Variants in NCK1 observed in about 807,000 individuals in gnomAD.
NCK1 encodes SH2/SH3 adapter protein NCK1.
In NCK1, 19 loss-of-function variants were observed where a neutral mutation model predicts 36.6. The ratio of observed to expected loss-of-function variants is 0.52; its 90% confidence interval spans 0.36 to 0.76. The LOEUF (loss-of-function observed/expected upper bound fraction) is 0.76. NCK1 is among the 30% of genes least tolerant of loss of function. The pLI is 0.00. For missense variants in NCK1, 358 were observed against 445.6 expected, an observed-to-expected ratio of 0.80 and a Z score of 1.77; for synonymous variants, 165 against 156.0, an observed-to-expected ratio of 1.06 and a Z score of -0.43.
chr3:136,890,913 A>G (rs1162098713), intron 1 of NCK1, among the ~76,000 whole-genome samples: 1 of 152,210 alleles, frequency 6.6e-6, no homozygotes, highest in Non-Finnish European at 1.5e-5. Flanking sequence ...ACCTCTGGCA[A>G]TCACCATTCT....
chr3:136,913,818 GC>G (rs1244170393), intron 1 of NCK1, among the ~76,000 whole-genome samples: 2 of 152,124 alleles, frequency 1.3e-5, no homozygotes, highest in Non-Finnish European at 2.9e-5. Flanking sequence ...ACAGGCGCCC[GC>G]CACCGCGCCC....
At chr3:136,870,720 CT>C (rs1938591522) in intron 1 of NCK1, among the ~76,000 whole-genome samples, 1 of 135,516 alleles carries the variant, frequency 7.4e-6, no homozygotes, top group Non-Finnish European at 1.5e-5. Context: ...CCTGTGAGGT[CT>C]TGCATGATTT....
chr3:136,919,814 G>A (rs997700939), intron 1 of NCK1, among the ~76,000 whole-genome samples: 1 of 152,090 alleles, frequency 6.6e-6, no homozygotes, highest in East Asian at 1.9e-4. Flanking sequence ...ATACCCTAAG[G>A]AAAATGTAAG....
intron 1 of NCK1, among the ~76,000 whole-genome samples, chr3:136,869,879 T>A (rs1383580043): frequency 6.6e-6 from 1 of 152,192 alleles, no homozygotes; most frequent in Non-Finnish European, 1.5e-5. Flanking sequence ...CTGATTCTCT[T>A]GTTTCTATTC....
At chr3:136,932,671 AAGAG>A (rs1012411494) in intron 2 of NCK1, among the ~76,000 whole-genome samples, 1 of 152,164 alleles carries the variant, frequency 6.6e-6, no homozygotes, top group East Asian at 1.9e-4. Context: ...TTCCTTGTAA[AAGAG>A]AGAGTTGGGC....
intron 1 of NCK1, among the ~76,000 whole-genome samples, chr3:136,924,215 A>T (rs1030943780): frequency 4.6e-5 from 7 of 152,240 alleles, no homozygotes; most frequent in Admixed American, 1.3e-4. Context: ...AAATGGCAAT[A>T]ACAAGTACAC....
intron 2 of NCK1, among the ~76,000 whole-genome samples, chr3:136,931,628 G>C (rs1940393271): frequency 6.6e-6 from 1 of 151,970 alleles, no homozygotes; most frequent in African/African-American, 2.4e-5. Flanking sequence ...TCATTCATTT[G>C]TTTATCAACA....
At chr3:136,937,892 T>C (rs763503439) in intron 2 of NCK1, among the ~76,000 whole-genome samples, 3 of 152,122 alleles carry the variant, frequency 2.0e-5, no homozygotes, top group Non-Finnish European at 4.4e-5. Context: ...TGGATACTTT[T>C]TCCCCTCCCT....
chr3:136,865,760 A>G (rs1301760989), intron 1 of NCK1, among the ~76,000 whole-genome samples: 2 of 152,240 alleles, frequency 1.3e-5, no homozygotes, highest in South Asian at 2.1e-4. Context: ...TAAATATGAC[A>G]TTTAAAGATT....
Position 136,869,427 on chromosome 3 carries a change from C to G in NCK1, c.-19+7074C>G, listed in dbSNP as rs142114705. 4.1e-3 allele frequency among the ~76,000 whole-genome samples: 619 copies of G among 152,106 alleles called. 3 individuals are homozygous for G. Among genetic ancestry groups the G allele is most frequent in the Non-Finnish European group, 6.4e-3 (438 of 67,994 alleles). On this transcript the variant is annotated intron_variant, in intron 1 of 3. Coordinates refer to ENST00000481752, the MANE Select transcript of NCK1 (RefSeq NM_001291999.2). ...GAGTGTGATGGCGAATGCCTGTAAT[C>G]TCAGCTACTCAAGAGGTTGAGACAG...
At chr3:136,918,209 T>C (rs567352372) in intron 1 of NCK1, among the ~76,000 whole-genome samples, 1 of 152,284 alleles carries the variant, frequency 6.6e-6, no homozygotes, top group Middle Eastern at 3.4e-3. Context: ...TCTTTATAGA[T>C]ACATATCTAA....
Position 136,910,344 on chromosome 3 carries a change from C to T in NCK1, c.-18-17640C>T, listed in dbSNP as rs137919410. Among the ~76,000 whole-genome samples the T allele has an allele frequency of 2.5e-3, 376 of 152,246 alleles. 1 individual carries two copies. The highest frequency in any genetic ancestry group is 7.8e-3 in the African/African-American group (322 of 41,546). On this transcript the variant is annotated intron_variant, in intron 1 of 3. Transcript: ENST00000481752. ...AACTTCCTGTACAGCTCCATCCCTACCCCCTTTTGGTTATTTTATGCATTT... is the reference window on the plus strand; with the variant it reads ...AACTTCCTGTACAGCTCCATCCCTATCCCCTTTTGGTTATTTTATGCATTT...
intron 1 of NCK1, among the ~76,000 whole-genome samples, chr3:136,912,233 G>T (rs1459260522): frequency 6.9e-6 from 1 of 145,788 alleles, no homozygotes; most frequent in South Asian, 2.1e-4. Flanking sequence ...TGTGATCTTG[G>T]CTCACTGCAA....
intron 2 of NCK1, among the ~76,000 whole-genome samples, chr3:136,932,442 T>A (rs1273903384): frequency 2.0e-5 from 3 of 152,182 alleles, no homozygotes; most frequent in African/African-American, 4.8e-5. Flanking sequence ...CAGAGTATCT[T>A]TGAAAACAAA....
chr3:136,868,961 GGC>G (rs1938528038), intron 1 of NCK1, among the ~76,000 whole-genome samples: 1 of 152,124 alleles, frequency 6.6e-6, no homozygotes, highest in Admixed American at 6.5e-5. Flanking sequence ...GTTGAGGCCG[GGC>G]GCGGTGGCTC....
chr3:136,906,619 C>T (rs1576968266), intron 1 of NCK1, among the ~76,000 whole-genome samples: 1 of 152,218 alleles, frequency 6.6e-6, no homozygotes, highest in Non-Finnish European at 1.5e-5. Flanking sequence ...GGCAGGTTGA[C>T]AGGTTTTTAA....
chr3:136,899,311 C>A, intron 1 of NCK1: 1 of 236,502 alleles, frequency 4.2e-6, no homozygotes, highest in South Asian at 6.6e-5. Flanking sequence ...GACTGAGATT[C>A]TGATTTGATG....
chr3:136,890,159 G>T (rs1939198957), intron 1 of NCK1, among the ~76,000 whole-genome samples: 1 of 152,230 alleles, frequency 6.6e-6, no homozygotes, highest in South Asian at 2.1e-4. Context: ...AGGCAGCTGA[G>T]GCCCGGCAAG....
chr3:136,897,700 T>C (rs1939426243), intron 1 of NCK1, among the ~76,000 whole-genome samples: 1 of 152,192 alleles, frequency 6.6e-6, no homozygotes, highest in Non-Finnish European at 1.5e-5. Context: ...TTTAGACAAA[T>C]GCTCACTTTA....
Sources: allele counts gnomAD v4.1 joint callset (sites outside exome capture counted in the v4.1 genomes callset), GRCh38; gene constraint gnomAD v4.1.1; transcripts MANE v1.5; gene names NCBI Gene and HGNC (gene_info 2026-07-23, HGNC 2026-07-21).